DPY19L3: variants seen among roughly 807,000 people sequenced by gnomAD.
The protein encoded by DPY19L3 is dpy-19 like C-mannosyltransferase 3.
Under a neutral mutation model 92.3 loss-of-function variants are expected in DPY19L3, and 51 were observed. The observed-to-expected ratio is 0.55, with a 90% CI of 0.44 to 0.70. DPY19L3 has a LOEUF of 0.70. Ranked by LOEUF, DPY19L3 falls within the 30% of genes least tolerant of loss-of-function variation. DPY19L3 has a pLI of 0.00. For missense variants in DPY19L3, 706 were observed against 855.9 expected (o/e 0.82, Z 2.18); for synonymous variants, 309 against 315.2 (o/e 0.98, Z 0.21).
At chr19:32,468,266 C>T (rs1425934004) in intron 15 of DPY19L3, 17 of 979,392 alleles carry the variant, frequency 1.7e-5, no homozygotes, top group Non-Finnish European at 1.8e-5. Context: ...AAAACAAGGC[C>T]GTATTCTAAA....
intron 10 of DPY19L3, among the ~76,000 whole-genome samples, chr19:32,456,027 T>C (rs750364049): frequency 3.3e-5 from 5 of 150,902 alleles, no homozygotes; most frequent in Non-Finnish European, 7.4e-5. Context: ...GTCTGTTGAC[T>C]ATCAAAGAAA....
intron 13 of DPY19L3, among the ~76,000 whole-genome samples, 184 bp downstream of exon 13, chr19:32,463,672 C>G (rs561221300): frequency 1.3e-5 from 2 of 152,160 alleles, no homozygotes; most frequent in African/African-American, 4.8e-5. Context: ...ATTACAAACA[C>G]GCCTCTATGT....
At chr19:32,420,580 G>A (rs956138125) in intron 3 of DPY19L3, among the ~76,000 whole-genome samples, 2 of 152,020 alleles carry the variant, frequency 1.3e-5, no homozygotes, top group Non-Finnish European at 2.9e-5. Context: ...GAGTAGAGTA[G>A]CTGGGATTAT....
At chr19:32,407,348 G>GCGTA (rs1288029405) in intron 1 of DPY19L3, among the ~76,000 whole-genome samples, 3 of 148,648 alleles carry the variant, frequency 2.0e-5, no homozygotes, top group South Asian at 2.1e-4. Context: ...CACCACTGAG[G>GCGTA]CGTATTCCTG....
At chr19:32,456,079 C>CTTTTTT (rs899726982) in intron 10 of DPY19L3, among the ~76,000 whole-genome samples, 19 of 103,390 alleles carry the variant, frequency 1.8e-4, no homozygotes, top group Non-Finnish European at 2.8e-4. Context: ...TCACTATGTT[C>CTTTTTT]TTTTTTTTTT....
At chr19:32,439,676 G>C (rs1006738762) in intron 7 of DPY19L3, 100 bp from the exon 8 acceptor site, 4 of 1,234,932 alleles carry the variant, frequency 3.2e-6, no homozygotes, top group Admixed American at 2.4e-5. Context: ...TGGTTTTTCT[G>C]TTTGGTTTAT....
intron 7 of DPY19L3, among the ~76,000 whole-genome samples, chr19:32,439,444 T>G (rs1196405279): frequency 6.6e-6 from 1 of 152,226 alleles, no homozygotes; most frequent in Non-Finnish European, 1.5e-5. Context: ...AAAAATGTAC[T>G]CTACATAATC....
chr19:32,410,251 T>TA (rs1355173238), intron 2 of DPY19L3, among the ~76,000 whole-genome samples: 1 of 152,222 alleles, frequency 6.6e-6, no homozygotes, highest in African/African-American at 2.4e-5. Context: ...TTCATGTCCT[T>TA]AATCTTTTTC....
intron 12 of DPY19L3, among the ~76,000 whole-genome samples, chr19:32,461,390 G>T (rs1165309581): frequency 6.6e-6 from 1 of 152,264 alleles, no homozygotes. Context: ...GAGCCTTCCA[G>T]CTTGGCTGGG....
intron 12 of DPY19L3, among the ~76,000 whole-genome samples, chr19:32,461,066 A>G (rs1970026234): frequency 6.6e-6 from 1 of 152,180 alleles, no homozygotes; most frequent in Non-Finnish European, 1.5e-5. Context: ...GGGTTTCACC[A>G]TGTTGGCCAG....
chr19:32,425,484 G>C (rs1448011423), intron 3 of DPY19L3, among the ~76,000 whole-genome samples: 1 of 152,224 alleles, frequency 6.6e-6, no homozygotes, highest in Middle Eastern at 3.4e-3. Flanking sequence ...CCGGGAGGCA[G>C]AGGTTGCAGT....
intron 18 of DPY19L3, chr19:32,480,790 C>T (rs2145644634): frequency 3.4e-6 from 2 of 582,172 alleles, no homozygotes; most frequent in East Asian, 2.9e-5. Context: ...CAGTGTCACA[C>T]CAAACAGAGC....
Position 32,460,221 on chromosome 19 carries a change from C to T in DPY19L3, c.1322+1712C>T, listed in dbSNP as rs539430599. On this transcript the variant is annotated intron_variant, in intron 12 of 18. Coordinates refer to ENST00000392250, the MANE Select transcript of DPY19L3 (RefSeq NM_001172774.2). Reference sequence around the variant, plus strand: ...TTCTAGACCAGCCTGGGCAACATAGCAAGACCGCATCTCTACGGAAAAAAA... The same window carrying T: ...TTCTAGACCAGCCTGGGCAACATAGTAAGACCGCATCTCTACGGAAAAAAA... Among the ~76,000 whole-genome samples the T allele has an allele frequency of 9.9e-5, 15 of 151,780 alleles. No homozygotes were observed. The South Asian group carries it at 2.1e-3, about 21-fold the overall frequency.
chr19:32,407,649 T>C (rs1395271742), intron 1 of DPY19L3, among the ~76,000 whole-genome samples: 1 of 152,240 alleles, frequency 6.6e-6, no homozygotes, highest in African/African-American at 2.4e-5. Context: ...AGAAAAGCAG[T>C]GGCTCGTTTG....
intron 16 of DPY19L3, among the ~76,000 whole-genome samples, chr19:32,473,990 A>G (rs1970431340): frequency 6.6e-6 from 1 of 152,032 alleles, no homozygotes; most frequent in Admixed American, 6.6e-5. Context: ...TTTGGTAGAG[A>G]TGGAGTTTCA....
chr19:32,466,025 AT>A (rs1568356327), intron 15 of DPY19L3, among the ~76,000 whole-genome samples: 1 of 152,220 alleles, frequency 6.6e-6, no homozygotes, highest in Admixed American at 6.5e-5. Flanking sequence ...AAGCTCATGA[AT>A]GTTTTTCTCA....
chr19:32,465,879 G>A (rs1306037498), intron 15 of DPY19L3, among the ~76,000 whole-genome samples: 3 of 152,064 alleles, frequency 2.0e-5, no homozygotes, highest in Non-Finnish European at 2.9e-5. Flanking sequence ...GCTCTAATGC[G>A]AATAACTGAA....
chr19:32,468,352 A>G, intron 15 of DPY19L3: 1 of 1,001,584 alleles, frequency 1.0e-6, no homozygotes, highest in Non-Finnish European at 1.2e-6. Context: ...GCATGGTATT[A>G]GTTAATTACA....
chr19:32,467,091 T>C (rs1004147757), intron 15 of DPY19L3, among the ~76,000 whole-genome samples: 2 of 152,234 alleles, frequency 1.3e-5, no homozygotes, highest in Non-Finnish European at 1.5e-5. Context: ...TGTACTAGCC[T>C]GCACTCCGAA....
Sources: gnomAD v4.1 joint callset for allele counts (sites outside exome capture counted in the v4.1 genomes callset) on GRCh38, gnomAD v4.1.1 for gene constraint, MANE v1.5 for transcripts, NCBI Gene and HGNC (gene_info 2026-07-23, HGNC 2026-07-21) for gene names.